IGSF10: variants seen among roughly 807,000 people sequenced by gnomAD.
The protein encoded by IGSF10 is immunoglobulin superfamily member 10.
A neutral mutation model predicts 128.2 loss-of-function variants in IGSF10; 126 were observed. The observed-to-expected ratio is 0.98, with a 90% confidence interval of 0.85 to 1.14. The LOEUF is 1.14. IGSF10 is among the 50% of genes most tolerant of loss of function. The probability of loss-of-function intolerance (pLI) is 0.00; values close to 1 mark genes in which losing one functional copy is unlikely to be tolerated. For synonymous variants in IGSF10, 1,185 were observed against 1,146.2 expected (o/e 1.03, Z -0.68); for missense variants, 3,295 against 3,149.8 (o/e 1.05, Z -1.10).
the IGSF10 span, among the ~76,000 whole-genome samples, chr3:151,490,804 G>T: frequency 1.3e-5 from 2 of 151,940 alleles, no homozygotes; most frequent in African/African-American, 4.8e-5. Context: ...AATCAAAAGG[G>T]AAAATAAGAA....
the IGSF10 span, among the ~76,000 whole-genome samples, chr3:151,616,841 G>A: frequency 1.3e-5 from 2 of 151,894 alleles, no homozygotes; most frequent in African/African-American, 2.4e-5. Flanking sequence ...AAGTTATAAA[G>A]AAAAAAAATA....
At chr3:151,606,057 A>G in the IGSF10 span, among the ~76,000 whole-genome samples, 4 of 152,158 alleles carry the variant, frequency 2.6e-5, no homozygotes, top group Non-Finnish European at 5.9e-5. Context: ...TCACTGGGTG[A>G]CATTTCCCAG....
chr3:151,583,355 A>G, the IGSF10 span, among the ~76,000 whole-genome samples: 1 of 152,228 alleles, frequency 6.6e-6, no homozygotes. Context: ...AAGCATAGTA[A>G]TAGCCAAATT....
At chr3:151,501,366 T>C in the IGSF10 span, among the ~76,000 whole-genome samples, 2 of 151,984 alleles carry the variant, frequency 1.3e-5, no homozygotes, top group African/African-American at 4.8e-5. Context: ...TTTTTATATG[T>C]AAAATAGGGA....
rs369685274 is a variant in IGSF10 at position 151,446,823 on chromosome 3, G to A, written c.3158C>T (p.Ala1053Val). ...TRGSSEKSTT[A>V]FSATVLNVTC... ...CACATTGAGCACTGTGGCTGAGAAT[G>A]CAGTAGTGCTTTTTTCAGAAGAACC... is the stretch of plus-strand genomic sequence containing the variant. Residue 1053 changes from alanine to valine, a missense_variant, in exon 6 of 8, where the codon GCA becomes GTA. Ala to Val is a moderately conservative substitution (Grantham distance 64, BLOSUM62 0). Coordinates refer to ENST00000282466, the MANE Select transcript of IGSF10 (RefSeq NM_178822.5). 3 of 1,614,040 alleles carry A rather than the reference G, an allele frequency of 1.9e-6. No individual in the cohort carries two copies. Among genetic ancestry groups the A allele is most frequent in the South Asian group, 1.1e-5 (1 of 91,094 alleles).
intron 7 of IGSF10, among the ~76,000 whole-genome samples, chr3:151,439,621 A>G (rs78369332): frequency 6.6e-6 from 1 of 152,238 alleles, no homozygotes; most frequent in African/African-American, 2.4e-5. Context: ...TTAGAAAAAA[A>G]TAAATTTTAC....
the IGSF10 span, among the ~76,000 whole-genome samples, chr3:151,510,225 C>T: frequency 1.3e-5 from 2 of 152,226 alleles, no homozygotes; most frequent in Non-Finnish European, 2.9e-5. Flanking sequence ...AGGCAACCCC[C>T]AGTAGGGGCG....
chr3:151,529,389 T>A, the IGSF10 span, among the ~76,000 whole-genome samples: 1 of 152,214 alleles, frequency 6.6e-6, no homozygotes, highest in African/African-American at 2.4e-5. Context: ...AGTGGGTTGC[T>A]GACCCCTGTA....
chr3:151,513,557 G>A, the IGSF10 span, among the ~76,000 whole-genome samples: 1 of 152,068 alleles, frequency 6.6e-6, no homozygotes, highest in Non-Finnish European at 1.5e-5. Context: ...TTGAAAACTG[G>A]CACAAGACAG....
the IGSF10 span, among the ~76,000 whole-genome samples, chr3:151,498,981 A>G: frequency 6.6e-6 from 1 of 152,112 alleles, no homozygotes; most frequent in African/African-American, 2.4e-5. Context: ...GAGATCTAAC[A>G]AATGTTTACC....
chr3:151,436,623 G>A lies in IGSF10; in HGVS notation c.*66C>T, dbSNP rs1560167216. 1 of 1,110,974 alleles carries A rather than the reference G, an allele frequency of 9.0e-7. No homozygotes were observed. Among genetic ancestry groups the A allele is most frequent in the Non-Finnish European group, 1.3e-6 (1 of 765,864 alleles). 68.8% of individuals were successfully genotyped at this position (1,110,974 alleles called of 1,614,324 possible). A position where few individuals can be genotyped will look rare whatever the true frequency, so the allele number is the denominator to read the frequency against. The stretch of plus-strand genomic sequence containing the variant: ...CAAATTCATTTACATGCCTATGGCT[G>A]CCTTTGATTAAACTTCTTCCAAAAA... On this transcript the variant is annotated 3_prime_UTR_variant, in exon 8 of 8. Coordinates refer to ENST00000282466, the MANE Select transcript of IGSF10 (RefSeq NM_178822.5).
the IGSF10 span, among the ~76,000 whole-genome samples, chr3:151,505,746 A>T: frequency 6.6e-6 from 1 of 152,202 alleles, no homozygotes; most frequent in Admixed American, 6.5e-5. Context: ...AATATGCAGA[A>T]GTTTCTATAA....
rs1252294995 is a variant in IGSF10 at position 151,458,531 on chromosome 3, T to C, written c.179A>G (p.Glu60Gly). ...SIPDSIPPNV[E>G]RINLGYNSLV... ...TCTCACACACCCTAAATTGATGCGTTCCACATTGGGCGGGATGCTGTCTGG... is the reference window on the plus strand; with the variant it reads ...TCTCACACACCCTAAATTGATGCGTCCCACATTGGGCGGGATGCTGTCTGG... Residue 60 changes from glutamate (E) to glycine (G), a missense_variant, in exon 3 of 8, where the codon GAA becomes GGA. Transcript: ENST00000282466. 6.2e-7 allele frequency: 1 copy of C among 1,613,716 alleles called. No individual in the cohort carries two copies. The highest frequency in any genetic ancestry group is 8.5e-7 in the Non-Finnish European group (1 of 1,179,794).
the IGSF10 span, chr3:151,499,842 T>C: frequency 2.6e-5 from 4 of 152,176 alleles, no homozygotes; most frequent in African/African-American, 7.2e-5. Flanking sequence ...ATCTAAGGAC[T>C]TGATGGGTTT....
the IGSF10 span, among the ~76,000 whole-genome samples, chr3:151,572,108 T>C: frequency 6.6e-6 from 1 of 152,346 alleles, no homozygotes; most frequent in South Asian, 2.1e-4. Context: ...GATGTGCTGC[T>C]GGATTCGGTT....
the IGSF10 span, among the ~76,000 whole-genome samples, chr3:151,518,829 G>T: frequency 1.3e-5 from 2 of 151,856 alleles, no homozygotes; most frequent in Non-Finnish European, 2.9e-5. Flanking sequence ...TGTCAAAGAA[G>T]GAGACGTTCT....
rs759286380 is a variant in IGSF10 at position 151,447,416 on chromosome 3, T to C, written c.2565A>G (p.Glu855=). ...CAGTAGACAGTTTGAAATCTGTGGG[T>C]TCTTCAGGTGGTAGTATTTGTGAAT... ...VVNSQILPPE[E]PTDFKLSTAI... Residue 855 remains glutamate, a synonymous_variant, in exon 6 of 8, where the codon GAA becomes GAG. Transcript: ENST00000282466. 12 of 1,613,952 alleles carry C rather than the reference T, an allele frequency of 7.4e-6. No homozygotes were observed. The African/African-American group carries it at 1.5e-4, about 20-fold the overall frequency.
chr3:151,563,646 A>AG, the IGSF10 span, among the ~76,000 whole-genome samples: 1 of 152,176 alleles, frequency 6.6e-6, no homozygotes, highest in African/African-American at 2.4e-5. Context: ...TTGGACATTT[A>AG]GCTCTAGTTT....
At chr3:151,581,944 T>C in the IGSF10 span, among the ~76,000 whole-genome samples, 1 of 152,024 alleles carries the variant, frequency 6.6e-6, no homozygotes, top group African/African-American at 2.4e-5. Flanking sequence ...TGCACACCTG[T>C]AATCCCAGCT....
Sources: gnomAD v4.1 joint callset for allele counts (sites outside exome capture counted in the v4.1 genomes callset) on GRCh38, gnomAD v4.1.1 for gene constraint, MANE v1.5 for transcripts, NCBI Gene and HGNC (gene_info 2026-07-23, HGNC 2026-07-21) for gene names.